The following PARD3 variants were observed in gnomAD, a reference collection of about 807,000 sequenced individuals.
PARD3 encodes partitioning defective 3 homolog.
A neutral mutation model predicts 155.4 loss-of-function variants in PARD3; 75 were observed. The observed-to-expected ratio is 0.48, with a 90% CI of 0.40 to 0.58. The LOEUF (loss-of-function observed/expected upper bound fraction) is 0.58. Ranked by LOEUF, PARD3 falls within the 20% of genes least tolerant of loss-of-function variation. PARD3 has a pLI of 0.00. For missense variants in PARD3, 1,642 were observed against 1,721.7 expected (o/e 0.95, Z 0.82); for synonymous variants, 576 against 610.5 (o/e 0.94, Z 0.83).
chr10:34,481,058 T>C (rs2079055115), intron 3 of PARD3, among the ~76,000 whole-genome samples: 1 of 152,062 alleles, frequency 6.6e-6, no homozygotes, highest in African/African-American at 2.4e-5. Context: ...CGCCTCAGCC[T>C]CCCAAAGTGC....
At chr10:34,112,407 ATTTACTATCAAGTCTCTAGATGGT>A (rs1588794175) in intron 24 of PARD3, among the ~76,000 whole-genome samples, 1 of 152,180 alleles carries the variant, frequency 6.6e-6, no homozygotes, top group African/African-American at 2.4e-5. Context: ...AACATCTTTA[ATTTACTATCAAGTCTCTAGATGGT>A]TTTATGAATT....
chr10:34,682,496 T>A (rs928781205), intron 2 of PARD3, among the ~76,000 whole-genome samples: 71 of 152,218 alleles, frequency 4.7e-4, no homozygotes, highest in East Asian at 1.9e-4. Context: ...GTGAAACTGA[T>A]TACCTACAGA....
chr10:34,347,092 G>T (rs974663580), intron 15 of PARD3, among the ~76,000 whole-genome samples: 3 of 152,206 alleles, frequency 2.0e-5, no homozygotes, highest in African/African-American at 7.2e-5. Context: ...TATTAAATCT[G>T]CATTAAATGT....
intron 10 of PARD3, among the ~76,000 whole-genome samples, chr10:34,375,887 G>C (rs975949994): frequency 1.3e-5 from 2 of 152,000 alleles, no homozygotes; most frequent in Non-Finnish European, 2.9e-5. Flanking sequence ...TACTATTAAG[G>C]AATTGCAGAC....
At chr10:34,302,040 A>G (rs1187202096) in intron 20 of PARD3, among the ~76,000 whole-genome samples, 3 of 151,920 alleles carry the variant, frequency 2.0e-5, no homozygotes, top group Non-Finnish European at 4.4e-5. Flanking sequence ...AACACTGTAA[A>G]CTTTATCAAG....
At position 34,789,534 on chromosome 10, in the gene PARD3, C is replaced by CAA. The variant is rs917848239; in HGVS notation, c.120+25340_120+25341dup. The stretch of plus-strand genomic sequence containing the variant: ...GCAGCATGCTGAGACCCTGTCTCTA[C>CAA]AAAAAAAAAAATACAAAAAGTTAGC... On this transcript the variant is annotated intron_variant, in intron 1 of 24. Transcript: ENST00000374788. Among the ~76,000 whole-genome samples, 349 of 139,918 alleles carry CAA rather than the reference C, an allele frequency of 2.5e-3. 1 individual carries two copies. The highest frequency in any genetic ancestry group is 8.4e-3 in the African/African-American group (321 of 38,150). The allele number at this position is 139,918 out of a possible 152,430, so 91.8% of individuals were successfully genotyped here. A position where few individuals can be genotyped will look rare whatever the true frequency, so the allele number is the denominator to read the frequency against.
chr10:34,169,159 G>A (rs374108265), intron 22 of PARD3, among the ~76,000 whole-genome samples: 1 of 152,180 alleles, frequency 6.6e-6, no homozygotes, highest in African/African-American at 2.4e-5. Flanking sequence ...CCGGGGCTAG[G>A]TATATCAAAG....
chr10:34,193,717 T>G (rs1243154738), intron 22 of PARD3, among the ~76,000 whole-genome samples: 1 of 152,254 alleles, frequency 6.6e-6, no homozygotes, highest in Non-Finnish European at 1.5e-5. Context: ...CCCTCTCTTC[T>G]CTTCAGCTCG....
intron 22 of PARD3, among the ~76,000 whole-genome samples, chr10:34,135,644 C>T (rs934743437): frequency 1.3e-5 from 2 of 152,324 alleles, no homozygotes; most frequent in Non-Finnish European, 1.5e-5. Flanking sequence ...CAGGGAATCA[C>T]TGAAGCCTGC....
intron 23 of PARD3, among the ~76,000 whole-genome samples, chr10:34,120,778 A>C (rs1247762759): frequency 6.6e-6 from 1 of 152,228 alleles, no homozygotes; most frequent in Non-Finnish European, 1.5e-5. Context: ...AATTTACCTA[A>C]GTTAATCATC....
chr10:34,413,180 C>CACACACAT (rs775445941), intron 5 of PARD3, among the ~76,000 whole-genome samples: 1,728 of 145,084 alleles, frequency 0.012, 21 homozygotes, highest in Middle Eastern at 0.035. Context: ...CACACACACA[C>CACACACAT]ATATATATAA....
intron 22 of PARD3, among the ~76,000 whole-genome samples, chr10:34,138,758 T>C (rs1296519096): frequency 6.6e-6 from 1 of 152,222 alleles, no homozygotes; most frequent in African/African-American, 2.4e-5. Flanking sequence ...TTCTTTTTGC[T>C]ATCTACTTCT....
chr10:34,332,696 T>C (rs1413166594), intron 18 of PARD3, among the ~76,000 whole-genome samples: 1 of 152,164 alleles, frequency 6.6e-6, no homozygotes, highest in African/African-American at 2.4e-5. Flanking sequence ...AATGAAGAAA[T>C]AATATTCCAC....
chr10:34,327,942 A>G (rs1835209394), intron 19 of PARD3, among the ~76,000 whole-genome samples: 4 of 152,150 alleles, frequency 2.6e-5, no homozygotes, highest in Admixed American at 2.6e-4. Flanking sequence ...AGAAGGGCAA[A>G]AATGCAGGAG....
intron 22 of PARD3, among the ~76,000 whole-genome samples, chr10:34,137,608 T>C (rs1441507679): frequency 6.6e-6 from 1 of 152,238 alleles, no homozygotes; most frequent in East Asian, 1.9e-4. Context: ...TGTGACTTGT[T>C]TTGGCCAACA....
chr10:34,442,523 T>C (rs1382805353), intron 5 of PARD3, among the ~76,000 whole-genome samples: 1 of 152,148 alleles, frequency 6.6e-6, no homozygotes, highest in Admixed American at 6.5e-5. Context: ...GGCTACGCAT[T>C]CGAGGCCAAC....
chr10:34,775,222 A>AGT (rs1839390396), intron 1 of PARD3, among the ~76,000 whole-genome samples: 1 of 152,228 alleles, frequency 6.6e-6, no homozygotes. Flanking sequence ...ATTGACCACC[A>AGT]AAAGGAACAA....
chr10:34,462,769 G>A (rs1174663151), intron 4 of PARD3, among the ~76,000 whole-genome samples: 1 of 151,692 alleles, frequency 6.6e-6, no homozygotes, highest in East Asian at 2.0e-4. Context: ...AACCCATAAA[G>A]TTGAAACTGC....
At chr10:34,629,894 T>C (rs895830116) in intron 2 of PARD3, among the ~76,000 whole-genome samples, 1 of 152,210 alleles carries the variant, frequency 6.6e-6, no homozygotes, top group African/African-American at 2.4e-5. Flanking sequence ...AGAATATGCA[T>C]AGATATTAAG....
Sources: gnomAD v4.1 joint callset for allele counts (sites outside exome capture counted in the v4.1 genomes callset) on GRCh38, gnomAD v4.1.1 for gene constraint, MANE v1.5 for transcripts, NCBI Gene and HGNC (gene_info 2026-07-23, HGNC 2026-07-21) for gene names.